Variants in FHOD3 observed in about 807,000 individuals in gnomAD.
The protein encoded by FHOD3 is FH1/FH2 domain-containing protein 3.
Under a neutral mutation model 173.0 loss-of-function variants are expected in FHOD3, and 90 were observed. That is an observed-to-expected ratio of 0.52 (90% CI 0.44 to 0.62). The LOEUF is 0.62. FHOD3 is among the 20% of genes least tolerant of loss of function. FHOD3 has a pLI of 0.00. For synonymous variants in FHOD3, 828 were observed against 823.0 expected, an observed-to-expected ratio of 1.01 and a Z score of -0.10; for missense variants, 1,945 against 2,034.7, an observed-to-expected ratio of 0.96 and a Z score of 0.85.
At chr18:36,743,340 A>C (rs2150071133) in intron 22 of FHOD3, among the ~76,000 whole-genome samples, 1 of 142,800 alleles carries the variant, frequency 7.0e-6, no homozygotes, top group South Asian at 2.4e-4. Context: ...AAAAAAAGAT[A>C]TCAGGGCCGA....
chr18:36,395,522 T>C (rs901998026), intron 3 of FHOD3, among the ~76,000 whole-genome samples: 3 of 152,166 alleles, frequency 2.0e-5, no homozygotes, highest in African/African-American at 4.8e-5. Context: ...TGTAAAAAAA[T>C]GTTTTCATAA....
intron 5 of FHOD3, among the ~76,000 whole-genome samples, chr18:36,543,220 G>A (rs2057291768): frequency 6.6e-6 from 1 of 151,936 alleles, no homozygotes; most frequent in Non-Finnish European, 1.5e-5. Context: ...AATTGTGTAA[G>A]CCAGTTTCTT....
intron 3 of FHOD3, among the ~76,000 whole-genome samples, chr18:36,483,181 G>T (rs1200480412): frequency 1.3e-5 from 2 of 152,168 alleles, no homozygotes; most frequent in Admixed American, 6.5e-5. Flanking sequence ...GTGTTTGAAG[G>T]CCAGTCACAA....
chr18:36,762,988 T>A (rs1336087627), intron 27 of FHOD3, among the ~76,000 whole-genome samples: 2 of 148,398 alleles, frequency 1.3e-5, no homozygotes, highest in African/African-American at 4.9e-5. Flanking sequence ...ATACGTTATA[T>A]ATGCGTATTA....
chr18:36,402,136 G>A (rs10163864), intron 3 of FHOD3, among the ~76,000 whole-genome samples: 33,762 of 151,954 alleles, frequency 0.22, 4,265 homozygotes, highest in East Asian at 0.67. Context: ...CCTTTGGGGC[G>A]GGCAAGGTGC....
At chr18:36,409,381 C>T (rs1568233576) in intron 3 of FHOD3, among the ~76,000 whole-genome samples, 2 of 152,170 alleles carry the variant, frequency 1.3e-5, no homozygotes, top group South Asian at 2.1e-4. Context: ...TGTCTGATCA[C>T]CCTTCCTCAC....
At chr18:36,484,033 T>C (rs1254840549) in intron 3 of FHOD3, among the ~76,000 whole-genome samples, 1 of 152,224 alleles carries the variant, frequency 6.6e-6, no homozygotes. Context: ...CTGCTGAAGC[T>C]AAATCTGTTC....
chr18:36,701,135 G>A (rs2039565590), intron 17 of FHOD3, among the ~76,000 whole-genome samples: 1 of 152,168 alleles, frequency 6.6e-6, no homozygotes, highest in Non-Finnish European at 1.5e-5. Context: ...GTTGGCGAAT[G>A]GTCAAGCATG....
At chr18:36,493,358 T>C (rs2054570699) in intron 3 of FHOD3, among the ~76,000 whole-genome samples, 1 of 152,194 alleles carries the variant, frequency 6.6e-6, no homozygotes, top group Non-Finnish European at 1.5e-5. Context: ...ACATTTTCTC[T>C]TGAAAACATC....
At chr18:36,772,530 C>T (rs775627106) in intron 28 of FHOD3, among the ~76,000 whole-genome samples, 2 of 152,248 alleles carry the variant, frequency 1.3e-5, no homozygotes, top group Non-Finnish European at 2.9e-5. Context: ...AAAACAGAAT[C>T]CATCCCATAA....
At chr18:36,382,325 G>C (rs60131423) in intron 3 of FHOD3, among the ~76,000 whole-genome samples, 60 of 152,144 alleles carry the variant, frequency 3.9e-4, no homozygotes, top group Non-Finnish European at 6.9e-4. Flanking sequence ...TTCTGTTCCC[G>C]GAACAAAGCT....
rs144848961 is a variant in FHOD3 at position 36,679,361 on chromosome 18, T to C, written c.1836-2075T>C. Among the ~76,000 whole-genome samples the C allele has an allele frequency of 4.4e-3, 665 of 151,828 alleles. 6 individuals are homozygous for C. The highest frequency in any genetic ancestry group is 0.015 in the African/African-American group (613 of 41,158). On this transcript the variant is annotated intron_variant, in intron 14 of 28. Coordinates refer to ENST00000590592, the MANE Select transcript of FHOD3 (RefSeq NM_001281740.3). ...CACAATTATAAACCAGCTTTTAGTT[T>C]TGTTGATTTTTGTCTATACACCTTC... is the stretch of plus-strand genomic sequence containing the variant.
intron 3 of FHOD3, among the ~76,000 whole-genome samples, chr18:36,471,477 G>C (rs1032359910): frequency 6.6e-6 from 1 of 152,156 alleles, no homozygotes; most frequent in Middle Eastern, 3.2e-3. Flanking sequence ...TCGATCGACT[G>C]CCCTGCCCTG....
At chr18:36,502,901 G>T (rs1177195001) in intron 4 of FHOD3, among the ~76,000 whole-genome samples, 2 of 152,170 alleles carry the variant, frequency 1.3e-5, no homozygotes, top group Non-Finnish European at 2.9e-5. Flanking sequence ...TGCTTACTGA[G>T]AATGGGATAG....
intron 3 of FHOD3, among the ~76,000 whole-genome samples, chr18:36,434,960 G>T (rs976205467): frequency 2.6e-5 from 4 of 151,888 alleles, no homozygotes; most frequent in Non-Finnish European, 2.9e-5. Context: ...TTCTGTGTAT[G>T]TAATCACATC....
chr18:36,669,944 T>G (rs1349606547), intron 14 of FHOD3, among the ~76,000 whole-genome samples: 1 of 152,014 alleles, frequency 6.6e-6, no homozygotes, highest in Admixed American at 6.5e-5. Flanking sequence ...ATTATTCCTG[T>G]TTTTATATGT....
intron 5 of FHOD3, among the ~76,000 whole-genome samples, chr18:36,555,684 C>A (rs2057850972): frequency 6.6e-6 from 1 of 152,084 alleles, no homozygotes; most frequent in Non-Finnish European, 1.5e-5. Flanking sequence ...TTAGTTCTAT[C>A]AATTTCTGCT....
intron 3 of FHOD3, among the ~76,000 whole-genome samples, chr18:36,480,815 A>C (rs1377270071): frequency 6.6e-6 from 1 of 152,222 alleles, no homozygotes; most frequent in Non-Finnish European, 1.5e-5. Flanking sequence ...GATCTCAATT[A>C]AGGTTCATCA....
intron 3 of FHOD3, among the ~76,000 whole-genome samples, chr18:36,482,839 ACACACACT>A (rs1455557246): frequency 1.4e-3 from 111 of 78,364 alleles, no homozygotes; most frequent in African/African-American, 5.7e-3. Flanking sequence ...ACACACACAC[ACACACACT>A]CACACACACA....
Sources: gnomAD v4.1 joint callset for allele counts (sites outside exome capture counted in the v4.1 genomes callset) on GRCh38, gnomAD v4.1.1 for gene constraint, MANE v1.5 for transcripts, NCBI Gene and HGNC (gene_info 2026-07-23, HGNC 2026-07-21) for gene names.